The following CRISPLD2 variants were observed in gnomAD, a reference collection of about 807,000 sequenced individuals.
CRISPLD2 encodes the protein cysteine rich secretory protein LCCL domain containing 2.
In CRISPLD2, 47 loss-of-function variants were observed where a neutral mutation model predicts 71.1. That is an observed-to-expected ratio of 0.66 (90% CI 0.52 to 0.84). CRISPLD2 has a LOEUF of 0.84. Ranked by LOEUF, CRISPLD2 falls within the 40% of genes least tolerant of loss-of-function variation. The pLI, the probability that CRISPLD2 is intolerant of heterozygous loss-of-function variation, is 0.00. For synonymous variants in CRISPLD2, 317 were observed against 250.1 expected (o/e 1.27, Z -2.52); for missense variants, 830 against 651.1 (o/e 1.27, Z -2.99).
intron 9 of CRISPLD2, 69 bp from the exon 10 acceptor site, chr16:84,872,923 G>A: frequency 1.3e-6 from 2 of 1,539,424 alleles, no homozygotes; most frequent in East Asian, 2.3e-5. Flanking sequence ...AAATGTTTGG[G>A]TATTTCTGGT....
intron 14 of CRISPLD2, among the ~76,000 whole-genome samples, chr16:84,903,057 C>T (rs1039386248): frequency 1.3e-5 from 2 of 152,050 alleles, no homozygotes; most frequent in Non-Finnish European, 2.9e-5. Flanking sequence ...AATGATCCAC[C>T]GTGCCTGGCC....
chr16:84,871,163 G>C (rs2071465616), intron 8 of CRISPLD2, among the ~76,000 whole-genome samples: 2 of 152,170 alleles, frequency 1.3e-5, no homozygotes, highest in African/African-American at 4.8e-5. Flanking sequence ...AGAGCTAATG[G>C]ATATGAATGT....
intron 3 of CRISPLD2, among the ~76,000 whole-genome samples, chr16:84,847,186 G>A (rs1916937544): frequency 6.6e-6 from 1 of 152,200 alleles, no homozygotes; most frequent in Admixed American, 6.5e-5. Flanking sequence ...ACTTCCCACA[G>A]AGGGATTTCC....
intron 14 of CRISPLD2, among the ~76,000 whole-genome samples, chr16:84,905,422 C>G (rs574537922): frequency 2.0e-5 from 3 of 151,398 alleles, no homozygotes; most frequent in African/African-American, 7.3e-5. Flanking sequence ...TTTTTTGAAA[C>G]AGAGTCTCAC....
intron 13 of CRISPLD2, among the ~76,000 whole-genome samples, chr16:84,886,701 C>T (rs989988096): frequency 3.3e-5 from 5 of 152,140 alleles, no homozygotes; most frequent in Non-Finnish European, 7.4e-5. Context: ...CGCATGCCTG[C>T]GATCCCAGCT....
chr16:84,904,713 G>C (rs1003296448), intron 14 of CRISPLD2, among the ~76,000 whole-genome samples: 1 of 152,024 alleles, frequency 6.6e-6, no homozygotes, highest in Non-Finnish European at 1.5e-5. Context: ...AGTGGGCAGA[G>C]AATAATTTCT....
chr16:84,854,650 C>T (rs1275952815), intron 5 of CRISPLD2, 79 bp from the exon 6 acceptor site: 2 of 1,018,972 alleles, frequency 2.0e-6, no homozygotes, highest in South Asian at 2.5e-5. Flanking sequence ...CAGGGACTCA[C>T]GTGGGCCTTG....
intron 13 of CRISPLD2, among the ~76,000 whole-genome samples, chr16:84,882,347 C>CAAAAAAAAAAAA (rs80146835): frequency 8.6e-4 from 67 of 77,464 alleles, no homozygotes; most frequent in South Asian, 1.9e-3. Context: ...ACCAATAAAG[C>CAAAAAAAAAAAA]AAAAAAAAAA....
At chr16:84,867,185 C>T in intron 7 of CRISPLD2, 145 bp downstream of exon 7, 2 of 773,274 alleles carry the variant, frequency 2.6e-6, no homozygotes, top group Non-Finnish European at 4.2e-6. Flanking sequence ...CATGGAGGCA[C>T]AACCATAAGA....
Position 84,889,994 on chromosome 16 carries a change from G to A in CRISPLD2, c.1439+631G>A, listed in dbSNP as rs577119597. Among the ~76,000 whole-genome samples, 181 of 152,202 alleles carry A rather than the reference G, an allele frequency of 1.2e-3. 1 individual carries two copies. The highest frequency in any genetic ancestry group is 3.4e-3 in the Middle Eastern group (1 of 294). On this transcript the variant is annotated intron_variant, in intron 14 of 14. Coordinates refer to ENST00000262424, the MANE Select transcript of CRISPLD2 (RefSeq NM_031476.4). ...CTCAGTTTTCTCATCTGTGAAATAG[G>A]GATAATCATAAACCCTGCCCCACAG...
At chr16:84,825,432 G>T (rs1331667644) in intron 1 of CRISPLD2, among the ~76,000 whole-genome samples, 4 of 152,122 alleles carry the variant, frequency 2.6e-5, no homozygotes, top group African/African-American at 9.7e-5. Context: ...TGTCCTCTCA[G>T]TGTGTCTTGT....
At position 84,838,770 on chromosome 16, in the gene CRISPLD2, G is replaced by A. The variant is rs184750798; in HGVS notation, c.240+35G>A. The A allele has an allele frequency of 4.8e-3, 7,611 of 1,588,978 alleles. 384 individuals carry two copies. The Admixed American group carries it at 0.099, about 21-fold the overall frequency. ...GGCTCCGGCCGCAGAGGCTGGCACC[G>A]GGGGTGGGGCCTGGGCCACCAGCCT... On this transcript the variant is annotated intron_variant, in intron 2 of 14. Coordinates refer to ENST00000262424, the MANE Select transcript of CRISPLD2 (RefSeq NM_031476.4).
intron 6 of CRISPLD2, among the ~76,000 whole-genome samples, chr16:84,865,350 T>C (rs1917506559): frequency 6.6e-6 from 1 of 152,108 alleles, no homozygotes; most frequent in African/African-American, 2.4e-5. Flanking sequence ...GAGACAGGGT[T>C]TCACCCTCTT....
At chr16:84,821,497 A>T (rs551759486) in intron 1 of CRISPLD2, among the ~76,000 whole-genome samples, 13 of 152,326 alleles carry the variant, frequency 8.5e-5, no homozygotes, top group African/African-American at 3.1e-4. Context: ...ACTGAGGCTC[A>T]GCAAGGTGAA....
intron 6 of CRISPLD2, among the ~76,000 whole-genome samples, chr16:84,862,694 T>TTA (rs1394868846): frequency 6.7e-6 from 1 of 148,356 alleles, no homozygotes; most frequent in African/African-American, 2.5e-5. Context: ...TTTTTTTTTT[T>TTA]AACGTGGCTC....
chr16:84,863,774 G>C (rs1253737279), intron 6 of CRISPLD2, among the ~76,000 whole-genome samples: 2 of 152,050 alleles, frequency 1.3e-5, no homozygotes, highest in Non-Finnish European at 2.9e-5. Context: ...TTTGAGACCA[G>C]CCTGACCAAC....
At chr16:84,830,828 A>T (rs1447327622) in intron 1 of CRISPLD2, among the ~76,000 whole-genome samples, 1 of 152,004 alleles carries the variant, frequency 6.6e-6, no homozygotes, top group Non-Finnish European at 1.5e-5. Flanking sequence ...TGTCTATGGG[A>T]TCTGCGTGAT....
chr16:84,882,564 C>G (rs1047151916), intron 13 of CRISPLD2, among the ~76,000 whole-genome samples: 1 of 152,042 alleles, frequency 6.6e-6, no homozygotes, highest in East Asian at 1.9e-4. Context: ...GTCACCACAC[C>G]CAGCTAATTT....
At chr16:84,857,918 G>A (rs2087992) in intron 6 of CRISPLD2, among the ~76,000 whole-genome samples, 28,852 of 152,032 alleles carry the variant, frequency 0.19, 3,319 homozygotes, top group East Asian at 0.51. Flanking sequence ...TGCTGTGCAC[G>A]ACCCGCTTTA....
Sources: gnomAD v4.1 joint callset for allele counts (sites outside exome capture counted in the v4.1 genomes callset) on GRCh38, gnomAD v4.1.1 for gene constraint, MANE v1.5 for transcripts, NCBI Gene and HGNC (gene_info 2026-07-23, HGNC 2026-07-21) for gene names.